Variants in WNT7A observed in about 807,000 individuals in gnomAD.
The protein encoded by WNT7A is protein Wnt-7a.
Under a neutral mutation model 28.2 loss-of-function variants are expected in WNT7A, and 16 were observed. The observed-to-expected ratio is 0.57, with a 90% CI of 0.38 to 0.86. The LOEUF is 0.86. Among genes scored for constraint, WNT7A ranks in the 40% least tolerant of loss-of-function variants. The probability of loss-of-function intolerance (pLI) is 0.00; values close to 1 mark genes in which losing one functional copy is unlikely to be tolerated. For synonymous variants in WNT7A, 190 were observed against 195.9 expected, an observed-to-expected ratio of 0.97 and a Z score of 0.25; for missense variants, 411 against 489.7, an observed-to-expected ratio of 0.84 and a Z score of 1.52.
chr3:13,863,297 T>A (rs1694861400), intron 2 of WNT7A, among the ~76,000 whole-genome samples: 1 of 152,206 alleles, frequency 6.6e-6, no homozygotes, highest in South Asian at 2.1e-4. Flanking sequence ...TTGTATTGAA[T>A]TGAATGATCA....
chr3:13,876,697 G>C (rs768134991), intron 1 of WNT7A, among the ~76,000 whole-genome samples: 2 of 151,802 alleles, frequency 1.3e-5, no homozygotes, highest in Non-Finnish European at 2.9e-5. Context: ...CTCCTGCCAC[G>C]TGCCAGCCTT....
chr3:13,823,499 G>T (rs1442997565), intron 3 of WNT7A, among the ~76,000 whole-genome samples: 1 of 152,208 alleles, frequency 6.6e-6, no homozygotes, highest in Non-Finnish European at 1.5e-5. Context: ...AAGCTAGCCA[G>T]GCATCAACCC....
At chr3:13,831,256 C>T (rs1483086441) in intron 3 of WNT7A, among the ~76,000 whole-genome samples, 1 of 152,200 alleles carries the variant, frequency 6.6e-6, no homozygotes, top group Non-Finnish European at 1.5e-5. Flanking sequence ...AAAGCCGCTG[C>T]CTCCGAGGTA....
chr3:13,876,808 T>C (rs996544277), intron 1 of WNT7A, among the ~76,000 whole-genome samples: 4 of 152,102 alleles, frequency 2.6e-5, no homozygotes, highest in African/African-American at 9.7e-5. Context: ...TCACATGACC[T>C]CAAGGGTCAC....
intron 1 of WNT7A, among the ~76,000 whole-genome samples, chr3:13,877,850 G>A (rs958772240): frequency 2.0e-5 from 3 of 152,232 alleles, no homozygotes; most frequent in Admixed American, 6.5e-5. Context: ...CTAGTGCGGA[G>A]TCACCTGAAC....
intron 3 of WNT7A, among the ~76,000 whole-genome samples, chr3:13,834,860 T>G (rs1575062567): frequency 6.6e-6 from 1 of 152,330 alleles, no homozygotes; most frequent in East Asian, 1.9e-4. Flanking sequence ...CCCTCCAGCA[T>G]GTCAACTGCC....
At position 13,868,039 on chromosome 3, in the gene WNT7A, T is replaced by C. The variant is rs539848565; in HGVS notation, c.298+6908A>G. Among the ~76,000 whole-genome samples, 18 of 152,206 alleles carry C rather than the reference T, an allele frequency of 1.2e-4. 1 individual carries two copies. The highest frequency in any genetic ancestry group is 3.4e-3 in the Middle Eastern group (1 of 294). Reference sequence around the variant, plus strand: ...TTTACTTTTGGGGAAGATCTCCATATGATACATTAAACATAAATAAGCAAG... The same window carrying C: ...TTTACTTTTGGGGAAGATCTCCATACGATACATTAAACATAAATAAGCAAG... On this transcript the variant is annotated intron_variant, in intron 2 of 3. Transcript: ENST00000285018.
chr3:13,878,668 C>A (rs1252434812), intron 1 of WNT7A, among the ~76,000 whole-genome samples: 1 of 152,166 alleles, frequency 6.6e-6, no homozygotes, highest in Non-Finnish European at 1.5e-5. Flanking sequence ...AAGGGTCTGC[C>A]ACGCACATCC....
At chr3:13,876,557 C>T (rs1695113980) in intron 1 of WNT7A, among the ~76,000 whole-genome samples, 1 of 152,172 alleles carries the variant, frequency 6.6e-6, no homozygotes, top group Non-Finnish European at 1.5e-5. Context: ...CGTCCTGGGG[C>T]TCAGCTGTGG....
At chr3:13,849,465 A>G (rs940381191) in intron 3 of WNT7A, among the ~76,000 whole-genome samples, 2 of 152,158 alleles carry the variant, frequency 1.3e-5, no homozygotes, top group Non-Finnish European at 2.9e-5. Flanking sequence ...AAATCCCCCC[A>G]AGACAGAGCA....
chr3:13,874,920 T>C (rs748132063), intron 2 of WNT7A, 27 bp downstream of exon 2: 27 of 1,611,296 alleles, frequency 1.7e-5, no homozygotes, highest in Non-Finnish European at 2.1e-5. Flanking sequence ...GGTAAGACTC[T>C]GCGGGGGTGT....
chr3:13,868,487 C>CAAAAGAAA (rs202035733), intron 2 of WNT7A, among the ~76,000 whole-genome samples: 17,283 of 109,366 alleles, frequency 0.16, 1,450 homozygotes, highest in Middle Eastern at 0.31. Flanking sequence ...AAGGAAAGAA[C>CAAAAGAAA]GAAAGAAAGA....
intron 2 of WNT7A, among the ~76,000 whole-genome samples, chr3:13,864,665 T>C (rs1694882591): frequency 1.3e-5 from 2 of 152,216 alleles, no homozygotes. Flanking sequence ...GATGAGGACG[T>C]GAATAAATGA....
In WNT7A at chr3:13,868,665, AGTGGG is replaced by A. The variant is rs1296157557; in HGVS notation, c.298+6277_298+6281del. ...GGAGAAAGAAAAAAAGGAGGGAGGG[AGTGGG>A]AGAGAGGGGGAGAGAGAGAGAGAAA... On this transcript the variant is annotated intron_variant, in intron 2 of 3. Transcript: ENST00000285018. Among the ~76,000 whole-genome samples, 6 of 3,844 alleles carry A rather than the reference AGTGGG, an allele frequency of 1.6e-3. 1 individual carries two copies. The highest frequency in any genetic ancestry group is 2.9e-3 in the African/African-American group (3 of 1,046). 2.5% of individuals were successfully genotyped at this position (3,844 alleles called of 152,430 possible).
Position 13,819,191 on chromosome 3 carries a change from A to G in WNT7A, c.803T>C (p.Leu268Pro). ...LSYRKPMDTD[L>P]VYIEKSPNYC... ...GTTGGGCGACTTCTCGATGTACACCAGGTCCGTGTCCATGGGCTTGCGGTA... is the reference window on the plus strand; with the variant it reads ...GTTGGGCGACTTCTCGATGTACACCGGGTCCGTGTCCATGGGCTTGCGGTA... The change falls in exon 4 of 4, where the codon CTG becomes CCG. Residue 268 changes from leucine to proline, a missense_variant. Physicochemically the swap from Leu to Pro is moderately conservative, Grantham distance 98. Transcript: ENST00000285018. 6.2e-7 allele frequency: 1 copy of G among 1,614,240 alleles called. No homozygotes were observed. Among genetic ancestry groups the G allele is most frequent in the Non-Finnish European group, 8.5e-7 (1 of 1,180,044 alleles).
At chr3:13,878,203 G>T (rs1695141712) in intron 1 of WNT7A, among the ~76,000 whole-genome samples, 1 of 152,098 alleles carries the variant, frequency 6.6e-6, no homozygotes, top group Non-Finnish European at 1.5e-5. Context: ...GGCGGCCCGC[G>T]GGCGGGCGGG....
At chr3:13,824,184 C>A (rs1362685471) in intron 3 of WNT7A, among the ~76,000 whole-genome samples, 1 of 152,174 alleles carries the variant, frequency 6.6e-6, no homozygotes, top group Non-Finnish European at 1.5e-5. Context: ...ACTATCATTA[C>A]AATCTAATTC....
At chr3:13,879,075 C>A (rs529915606) in intron 1 of WNT7A, among the ~76,000 whole-genome samples, 17 of 152,242 alleles carry the variant, frequency 1.1e-4, no homozygotes, top group African/African-American at 4.1e-4. Flanking sequence ...GTGTCTCAGA[C>A]CGCCTCTCGT....
intron 3 of WNT7A, among the ~76,000 whole-genome samples, chr3:13,836,200 T>TAAA (rs200750554): frequency 0.018 from 2,424 of 134,920 alleles, 32 homozygotes; most frequent in African/African-American, 0.028. Context: ...AGCTGGTTTT[T>TAAA]AAAAAAAAAA....
Sources: gnomAD v4.1 joint callset for allele counts (sites outside exome capture counted in the v4.1 genomes callset) on GRCh38, gnomAD v4.1.1 for gene constraint, MANE v1.5 for transcripts, NCBI Gene and HGNC (gene_info 2026-07-23, HGNC 2026-07-21) for gene names.